Variants in DDR2 observed in about 807,000 individuals in gnomAD.
DDR2 encodes the protein discoidin domain receptor tyrosine kinase 2.
DDR2 carries 27 observed loss-of-function variants against 94.9 expected under a neutral mutation model. The observed-to-expected ratio is 0.28, with a 90% CI of 0.21 to 0.39. The LOEUF (loss-of-function observed/expected upper bound fraction) is 0.39, where lower values mean the gene tolerates loss of function less well. DDR2 is among the 10% of genes least tolerant of loss of function. DDR2 has a pLI of 1.00. For synonymous variants in DDR2, 382 were observed against 377.2 expected (o/e 1.01, Z -0.15); for missense variants, 783 against 1,076.0 (o/e 0.73, Z 3.81).
intron 2 of DDR2, among the ~76,000 whole-genome samples, chr1:162,694,999 G>A (rs941383523): frequency 3.3e-5 from 5 of 152,036 alleles, no homozygotes; most frequent in African/African-American, 7.2e-5. Context: ...TTCAAATGTC[G>A]AAATCCAAAT....
intron 16 of DDR2, among the ~76,000 whole-genome samples, chr1:162,777,050 T>G: frequency 6.6e-6 from 1 of 152,174 alleles, no homozygotes; most frequent in East Asian, 1.9e-4. Flanking sequence ...GAGAAAAGTC[T>G]GAGACCAATT....
At chr1:162,752,188 C>T (rs1014600730) in intron 3 of DDR2, among the ~76,000 whole-genome samples, 5 of 151,538 alleles carry the variant, frequency 3.3e-5, no homozygotes, top group South Asian at 2.1e-4. Context: ...GTTGCTTATC[C>T]GAAATTTAAA....
At position 162,640,297 on chromosome 1, in the gene DDR2, C is replaced by T. The variant is rs553210474; in HGVS notation, c.-192+7666C>T. Among the ~76,000 whole-genome samples the T allele has an allele frequency of 3.3e-5, 5 of 152,240 alleles. No individual in the cohort carries two copies. The East Asian group carries it at 9.6e-4, about 29-fold the overall frequency. On this transcript the variant is annotated intron_variant, in intron 1 of 17. Transcript: ENST00000367921. The stretch of plus-strand genomic sequence containing the variant: ...CCTCATGATCTGCCCCCCTCAGCCT[C>T]CCAACGTGCTGGGATTGCAAGTGTG...
At chr1:162,656,756 A>G (rs1050511451) in intron 2 of DDR2, among the ~76,000 whole-genome samples, 5 of 149,534 alleles carry the variant, frequency 3.3e-5, no homozygotes, top group Admixed American at 1.3e-4. Context: ...GATTTTTCAA[A>G]CATTATTTAT....
Position 162,784,056 on chromosome 1 carries a change from C to T in DDR2, c.*3810C>T, listed in dbSNP as rs892138674. ...ACCACAGGCAAACATCAAAACAATA[C>T]GCATAAGTTAGACAAGATTAAATCT... On this transcript the variant is annotated 3_prime_UTR_variant, in exon 18 of 18. Coordinates refer to ENST00000367921, the MANE Select transcript of DDR2 (RefSeq NM_006182.4). The T allele has an allele frequency of 7.2e-5, 11 of 152,136 alleles. No homozygotes were observed. The highest frequency in any genetic ancestry group is 2.1e-4 in the South Asian group (1 of 4,830). The allele number at this position is 152,136 out of a possible 1,614,324, so 9.4% of individuals were successfully genotyped here.
chr1:162,697,592 A>G (rs948364513), intron 2 of DDR2, among the ~76,000 whole-genome samples: 1 of 152,202 alleles, frequency 6.6e-6, no homozygotes, highest in South Asian at 2.1e-4. Context: ...TTTAATATGT[A>G]TGAGGCCTAG....
chr1:162,766,833 A>G (rs568463716), intron 10 of DDR2, among the ~76,000 whole-genome samples: 1 of 152,200 alleles, frequency 6.6e-6, no homozygotes, highest in African/African-American at 2.4e-5. Flanking sequence ...GGAGTTCGAG[A>G]CCAGACTGGC....
intron 2 of DDR2, among the ~76,000 whole-genome samples, chr1:162,718,324 G>A (rs1661261900): frequency 6.6e-6 from 1 of 152,156 alleles, no homozygotes; most frequent in Non-Finnish European, 1.5e-5. Context: ...AATGTTATTA[G>A]AAATCAAGAT....
At chr1:162,719,854 G>A (rs1661340969) in intron 3 of DDR2, among the ~76,000 whole-genome samples, 1 of 152,134 alleles carries the variant, frequency 6.6e-6, no homozygotes, top group Admixed American at 6.6e-5. Flanking sequence ...ATAACTGGAA[G>A]TCAGCTGGCT....
At chr1:162,647,438 TCACG>T (rs1442273801) in intron 1 of DDR2, among the ~76,000 whole-genome samples, 28 of 152,264 alleles carry the variant, frequency 1.8e-4, no homozygotes, top group Middle Eastern at 3.4e-3. Flanking sequence ...TTCTTAGACC[TCACG>T]TGAGAAAGAG....
intron 1 of DDR2, among the ~76,000 whole-genome samples, chr1:162,647,329 AT>A (rs1325794396): frequency 6.6e-6 from 1 of 152,190 alleles, no homozygotes; most frequent in Non-Finnish European, 1.5e-5. Context: ...CATTTCCTTA[AT>A]GTTTTGTGGA....
At chr1:162,719,358 T>C (rs1661309454) in intron 3 of DDR2, 1 of 649,754 alleles carries the variant, frequency 1.5e-6, no homozygotes, top group Admixed American at 6.3e-5. Context: ...TATTGTAAAA[T>C]ATTTTCTTAT....
chr1:162,675,567 C>T (rs563669580), intron 2 of DDR2, among the ~76,000 whole-genome samples: 15 of 152,200 alleles, frequency 9.9e-5, no homozygotes, highest in African/African-American at 2.4e-4. Context: ...GTACCCAGCT[C>T]GAAGACTTGC....
At chr1:162,732,566 G>A (rs1263314747) in intron 3 of DDR2, among the ~76,000 whole-genome samples, 2 of 152,218 alleles carry the variant, frequency 1.3e-5, no homozygotes, top group Admixed American at 6.5e-5. Context: ...ACATTAGAGG[G>A]ATTGGCTTCT....
At chr1:162,683,038 A>G (rs1386464435) in intron 2 of DDR2, among the ~76,000 whole-genome samples, 1 of 152,214 alleles carries the variant, frequency 6.6e-6, no homozygotes, top group Non-Finnish European at 1.5e-5. Context: ...AGAATTACAC[A>G]TCATATCAAA....
chr1:162,723,975 C>A (rs988708354), intron 3 of DDR2, among the ~76,000 whole-genome samples: 2 of 152,184 alleles, frequency 1.3e-5, no homozygotes, highest in Non-Finnish European at 2.9e-5. Context: ...TTTAGGTTCA[C>A]CACTGTGGTT....
chr1:162,644,078 C>T (rs1344290744), intron 1 of DDR2, among the ~76,000 whole-genome samples: 1 of 152,296 alleles, frequency 6.6e-6, no homozygotes, highest in East Asian at 1.9e-4. Context: ...CTAGTAGGGA[C>T]ACCTCCAGTT....
intron 2 of DDR2, among the ~76,000 whole-genome samples, chr1:162,658,395 G>A (rs1297192878): frequency 1.3e-5 from 2 of 152,148 alleles, no homozygotes; most frequent in African/African-American, 2.4e-5. Context: ...AAACCTCGAT[G>A]TCTGAAATTT....
At chr1:162,738,019 T>C (rs1662400958) in intron 3 of DDR2, among the ~76,000 whole-genome samples, 1 of 151,888 alleles carries the variant, frequency 6.6e-6, no homozygotes, top group African/African-American at 2.4e-5. Flanking sequence ...GGGCAAAAAC[T>C]GGAAGCATTC....
Sources: gnomAD v4.1 joint callset for allele counts (sites outside exome capture counted in the v4.1 genomes callset) on GRCh38, gnomAD v4.1.1 for gene constraint, MANE v1.5 for transcripts, NCBI Gene and HGNC (gene_info 2026-07-23, HGNC 2026-07-21) for gene names.